Variants in TAF4B observed in about 807,000 individuals in gnomAD.
TAF4B encodes the protein TATA-box binding protein associated factor 4b.
Under a neutral mutation model 86.4 loss-of-function variants are expected in TAF4B, and 38 were observed. The ratio of observed to expected loss-of-function variants is 0.44; its 90% CI spans 0.34 to 0.58. The LOEUF is 0.58. TAF4B is among the 20% of genes least tolerant of loss of function. The pLI is 0.02. For synonymous variants in TAF4B, 388 were observed against 391.2 expected, an observed-to-expected ratio of 0.99 and a Z score of 0.10; for missense variants, 988 against 1,027.6, an observed-to-expected ratio of 0.96 and a Z score of 0.53.
intron 1 of TAF4B, chr18:26,256,341 G>C: frequency 1.4e-6 from 2 of 1,444,870 alleles, no homozygotes; most frequent in Non-Finnish European, 1.9e-6. Context: ...CATCTTTGGC[G>C]TGTGAAAACC....
chr18:26,325,355 G>T (rs950732071), intron 11 of TAF4B, among the ~76,000 whole-genome samples: 1 of 152,154 alleles, frequency 6.6e-6, no homozygotes, highest in Non-Finnish European at 1.5e-5. Context: ...ATATGCAGTG[G>T]CCTTAACATT....
chr18:26,324,207 G>C (rs914015096), intron 11 of TAF4B, among the ~76,000 whole-genome samples: 1 of 152,166 alleles, frequency 6.6e-6, no homozygotes, highest in African/African-American at 2.4e-5. Flanking sequence ...ACTCTTTAAA[G>C]TATCTTACAG....
intron 1 of TAF4B, among the ~76,000 whole-genome samples, chr18:26,251,612 A>G (rs1392521650): frequency 6.6e-6 from 1 of 152,168 alleles, no homozygotes; most frequent in Non-Finnish European, 1.5e-5. Flanking sequence ...CTAATATATG[A>G]TTACATTCTG....
chr18:26,316,187 T>C (rs1338523707), intron 10 of TAF4B, among the ~76,000 whole-genome samples: 1 of 152,118 alleles, frequency 6.6e-6, no homozygotes, highest in Non-Finnish European at 1.5e-5. Context: ...GCTTCAAATA[T>C]ACTTAAGTAA....
chr18:26,346,841 GTGTGTA>G (rs1207971234), intron 13 of TAF4B, among the ~76,000 whole-genome samples: 1 of 16,066 alleles, frequency 6.2e-5, no homozygotes, highest in Non-Finnish European at 1.7e-4. Flanking sequence ...ATATATGTGT[GTGTGTA>G]TATATATATA....
chr18:26,351,023 G>C (rs978310692), intron 13 of TAF4B, among the ~76,000 whole-genome samples: 1 of 152,120 alleles, frequency 6.6e-6, no homozygotes, highest in African/African-American at 2.4e-5. Flanking sequence ...CCAGTACTGA[G>C]AAAAGAAATC....
chr18:26,240,030 C>T (rs1190858426), intron 1 of TAF4B, among the ~76,000 whole-genome samples: 1 of 152,160 alleles, frequency 6.6e-6, no homozygotes, highest in Non-Finnish European at 1.5e-5. Context: ...GTGATGCCTC[C>T]AGCTTTGTTC....
chr18:26,317,773 C>G (rs2056926375), intron 10 of TAF4B, among the ~76,000 whole-genome samples: 1 of 152,168 alleles, frequency 6.6e-6, no homozygotes, highest in African/African-American at 2.4e-5. Flanking sequence ...AGCTAGCTCT[C>G]TGGTCTCTTC....
intron 6 of TAF4B, among the ~76,000 whole-genome samples, chr18:26,283,573 C>G (rs1170654654): frequency 1.3e-5 from 2 of 152,014 alleles, no homozygotes; most frequent in Non-Finnish European, 2.9e-5. Context: ...TCTTAAGAGC[C>G]CTAGGATTTT....
chr18:26,270,499 G>C (rs1383687950), intron 3 of TAF4B, among the ~76,000 whole-genome samples: 2 of 152,086 alleles, frequency 1.3e-5, no homozygotes, highest in Non-Finnish European at 2.9e-5. Flanking sequence ...TTAAAAAATA[G>C]AGATGAGGTC....
At chr18:26,239,058 G>A (rs1047453429) in intron 1 of TAF4B, among the ~76,000 whole-genome samples, 74 of 152,276 alleles carry the variant, frequency 4.9e-4, no homozygotes, top group African/African-American at 1.6e-3. Context: ...ACACATGTGC[G>A]TGTGTCTTTA....
chr18:26,347,762 TAGC>T (rs1259615696), intron 13 of TAF4B, among the ~76,000 whole-genome samples: 6 of 152,152 alleles, frequency 3.9e-5, no homozygotes, highest in African/African-American at 1.4e-4. Flanking sequence ...AACCAAAAGC[TAGC>T]AGGAGTAGCT....
chr18:26,325,583 A>G (rs1461805820), intron 11 of TAF4B, among the ~76,000 whole-genome samples: 2 of 152,172 alleles, frequency 1.3e-5, no homozygotes, highest in Non-Finnish European at 2.9e-5. Flanking sequence ...GAATCTTAGC[A>G]TGGGAATATG....
intron 9 of TAF4B, among the ~76,000 whole-genome samples, chr18:26,302,750 T>C (rs72880176): frequency 6.6e-6 from 1 of 152,160 alleles, no homozygotes; most frequent in Non-Finnish European, 1.5e-5. Flanking sequence ...GATTCGTTTT[T>C]CCCCATATAG....
At chr18:26,232,650 G>T (rs562597917) in intron 1 of TAF4B, among the ~76,000 whole-genome samples, 17 of 152,154 alleles carry the variant, frequency 1.1e-4, no homozygotes, top group Non-Finnish European at 2.5e-4. Flanking sequence ...GTGGCATCTC[G>T]TACTATCCCT....
At chr18:26,376,663 G>T (rs990189709) in intron 14 of TAF4B, among the ~76,000 whole-genome samples, 1 of 151,816 alleles carries the variant, frequency 6.6e-6, no homozygotes, top group African/African-American at 2.4e-5. Context: ...TGGATGCCTT[G>T]TTATTTCATT....
intron 1 of TAF4B, among the ~76,000 whole-genome samples, chr18:26,247,447 T>C (rs2055943374): frequency 6.6e-6 from 1 of 152,222 alleles, no homozygotes; most frequent in Admixed American, 6.5e-5. Flanking sequence ...CTTTAAGTTA[T>C]CTCAGTGCCT....
In TAF4B at chr18:26,390,248, C is replaced by T; in HGVS notation, c.*236C>T. ...GAAATACACTTTGCACAGAATTAGGCATCTGCCTATCTGTGCATTAAATTA... is the reference window on the plus strand; with the variant it reads ...GAAATACACTTTGCACAGAATTAGGTATCTGCCTATCTGTGCATTAAATTA... On this transcript the variant is annotated 3_prime_UTR_variant, in exon 15 of 15. Transcript: ENST00000269142. 4.7e-6 allele frequency: 2 copies of T among 425,060 alleles called. No individual in the cohort carries two copies. The allele number at this position is 425,060 out of a possible 1,614,324, so 26.3% of individuals were successfully genotyped here.
intron 1 of TAF4B, chr18:26,255,640 T>C: frequency 1.1e-6 from 1 of 891,340 alleles, no homozygotes; most frequent in South Asian, 1.6e-5. Flanking sequence ...TGTTGCTTTG[T>C]GGTCTTCAAA....
Sources: allele counts gnomAD v4.1 joint callset (sites outside exome capture counted in the v4.1 genomes callset), GRCh38; gene constraint gnomAD v4.1.1; transcripts MANE v1.5; gene names NCBI Gene and HGNC (gene_info 2026-07-23, HGNC 2026-07-21).